LIPK: variants seen among roughly 807,000 people sequenced by gnomAD.
LIPK encodes the protein lipase family member K.
In LIPK, 32 loss-of-function variants were observed where a neutral mutation model predicts 48.6. The observed-to-expected ratio is 0.66, with a 90% CI of 0.50 to 0.88. The LOEUF is 0.88. Ranked by LOEUF, LIPK falls within the 40% of genes least tolerant of loss-of-function variation. LIPK has a pLI of 0.00. For missense variants in LIPK, 507 were observed against 478.5 expected (o/e 1.06, Z -0.56); for synonymous variants, 164 against 157.4 (o/e 1.04, Z -0.32).
chr10:88,726,746 A>C, intron 2 of LIPK, 49 bp from the exon 3 acceptor site: 1 of 908,034 alleles, frequency 1.1e-6, no homozygotes, highest in Non-Finnish European at 1.8e-6. Context: ...CATGTGTAAA[A>C]ATTAAGAGAT....
intron 3 of LIPK, among the ~76,000 whole-genome samples, chr10:88,729,105 A>G (rs1224359058): frequency 6.6e-6 from 1 of 151,658 alleles, no homozygotes; most frequent in Non-Finnish European, 1.5e-5. Flanking sequence ...CAGCTGAAAA[A>G]ACAAGTCTAT....
At chr10:88,751,185 T>C (rs1842857158) in intron 9 of LIPK, among the ~76,000 whole-genome samples, 1 of 152,086 alleles carries the variant, frequency 6.6e-6, no homozygotes, top group South Asian at 2.1e-4. Context: ...ACGAAAACTT[T>C]TAGAGAAAAG....
chr10:88,735,602 G>A (rs1842556237), intron 6 of LIPK, among the ~76,000 whole-genome samples: 1 of 152,266 alleles, frequency 6.6e-6, no homozygotes, highest in African/African-American at 2.4e-5. Context: ...GTTGAGGACT[G>A]AAACCAGCCC....
chr10:88,719,331 A>C lies in LIPK; in HGVS notation c.-11-5202A>C, dbSNP rs552533186. 2.0e-5 allele frequency among the ~76,000 whole-genome samples: 3 copies of C among 152,350 alleles called. No individual in the cohort carries two copies. The South Asian group carries it at 6.2e-4, about 32-fold the overall frequency. ...GCCTAGCAATCACACAACTAATAAT[A>C]AAAACAGTAATAGTCAATAGTTAGG... On this transcript the variant is annotated intron_variant, in intron 1 of 9. Transcript: ENST00000404190.
intron 1 of LIPK, among the ~76,000 whole-genome samples, chr10:88,719,922 TTA>T (rs1230909303): frequency 6.6e-6 from 1 of 152,236 alleles, no homozygotes; most frequent in Non-Finnish European, 1.5e-5. Context: ...AATGCATTAC[TTA>T]TGAGAGCTGC....
chr10:88,744,385 C>A (rs1304113432), intron 9 of LIPK, among the ~76,000 whole-genome samples: 3 of 152,182 alleles, frequency 2.0e-5, no homozygotes, highest in African/African-American at 7.2e-5. Context: ...GTGCTTTTGC[C>A]CCACCTCCCA....
chr10:88,718,113 T>C (rs1194360545), intron 1 of LIPK, among the ~76,000 whole-genome samples: 1 of 151,690 alleles, frequency 6.6e-6, no homozygotes, highest in Non-Finnish European at 1.5e-5. Flanking sequence ...CTTCCTCCCA[T>C]GCATTCTACA....
Position 88,737,712 on chromosome 10 carries a change from G to T in LIPK, c.747G>T (p.Lys249Asn), listed in dbSNP as rs200735762. The change falls in exon 7 of 10, where the codon AAG (lysine) becomes AAT (asparagine). Residue 249 changes from lysine to asparagine, a missense_variant. Transcript: ENST00000404190. Reference protein sequence around the residue: ...QFIATKVCNRKLFRRICSNFL... With the variant: ...QFIATKVCNRNLFRRICSNFL... The stretch of plus-strand genomic sequence containing the variant: ...TTGCCACCAAAGTGTGCAATCGAAA[G>T]CTATTCCGTCGTATTTGCAGCAACT... 62 of 1,613,774 alleles carry T rather than the reference G, an allele frequency of 3.8e-5. No homozygotes were observed. Among genetic ancestry groups the T allele is most frequent in the Non-Finnish European group, 4.5e-5 (53 of 1,179,792 alleles).
intron 1 of LIPK, among the ~76,000 whole-genome samples, chr10:88,722,096 G>A (rs1842235865): frequency 6.6e-6 from 1 of 152,138 alleles, no homozygotes; most frequent in Admixed American, 6.5e-5. Flanking sequence ...TCAGGAGTTC[G>A]AGACCAGCCT....
chr10:88,725,469 T>C (rs1434165432), intron 2 of LIPK, among the ~76,000 whole-genome samples: 2 of 152,232 alleles, frequency 1.3e-5, no homozygotes, highest in African/African-American at 4.8e-5. Flanking sequence ...ACAGTCTGTC[T>C]CCAGAGCCTG....
chr10:88,711,864 C>A (rs1842033847), intron 1 of LIPK, among the ~76,000 whole-genome samples: 1 of 151,964 alleles, frequency 6.6e-6, no homozygotes, highest in Non-Finnish European at 1.5e-5. Flanking sequence ...TTGTCTACCC[C>A]AAACGTGTAA....
At chr10:88,737,904 G>T in intron 7 of LIPK, 123 bp downstream of exon 7, 2 of 978,262 alleles carry the variant, frequency 2.0e-6, no homozygotes, top group Non-Finnish European at 3.1e-6. Flanking sequence ...AATGTAATTA[G>T]TACATTTATG....
chr10:88,713,173 C>T (rs949008812), intron 1 of LIPK, among the ~76,000 whole-genome samples: 8 of 152,176 alleles, frequency 5.3e-5, no homozygotes, highest in African/African-American at 1.9e-4. Context: ...AGCTAACCTA[C>T]TTACCCTCTC....
At chr10:88,718,758 A>T (rs1206321691) in intron 1 of LIPK, among the ~76,000 whole-genome samples, 1 of 152,130 alleles carries the variant, frequency 6.6e-6, no homozygotes, top group Admixed American at 6.5e-5. Context: ...ATGGAAAAAT[A>T]ATGATTATAA....
In LIPK at chr10:88,724,633, A is replaced by G. The variant is rs1842296958; in HGVS notation, c.90A>G (p.Glu30=). Residue 30 remains glutamate, a synonymous_variant, in exon 2 of 10, where the codon GAA becomes GAG. Coordinates refer to ENST00000404190, the MANE Select transcript of LIPK (RefSeq NM_001080518.2). ...YDKKGNNANP[E]ANMNISQIIS... ...AGAAAGGAAACAATGCAAACCCTGA[A>G]GCTAATATGAATATTGTAAGTCATT... 4 of 1,594,558 alleles carry G rather than the reference A, an allele frequency of 2.5e-6. No individual in the cohort carries two copies. The African/African-American group carries it at 4.1e-5, about 16-fold the overall frequency.
Position 88,752,417 on chromosome 10 carries a change from T to C in LIPK, c.961-100T>C. 5.1e-6 allele frequency: 4 copies of C among 791,156 alleles called. No individual in the cohort carries two copies. The South Asian group carries it at 7.0e-5, about 14-fold the overall frequency. 49.0% of individuals were successfully genotyped at this position (791,156 alleles called of 1,614,324 possible). On this transcript the variant is annotated intron_variant, in intron 9 of 9. Coordinates refer to ENST00000404190, the MANE Select transcript of LIPK (RefSeq NM_001080518.2). ...ATTAAGTGTAAACTAATTGTACACT[T>C]GTAGCATTTAAAGAACTTGCTCAAC...
chr10:88,726,827 T>C lies in LIPK; in HGVS notation c.138T>C (p.Tyr46=), dbSNP rs554932742. The part of the protein sequence containing the change: ...SQIISYWGYP[Y]EEYDVTTKDG... ...TTATTTCTTACTGGGGTTATCCTTA[T>C]GAAGAGTATGATGTTACAACAAAAG... Residue 46 remains tyrosine (Y), a synonymous_variant, in exon 3 of 10, where the codon TAT becomes TAC. Transcript: ENST00000404190. 1.9e-6 allele frequency: 3 copies of C among 1,601,978 alleles called. No homozygotes were observed. In the South Asian group the frequency reaches 3.3e-5, roughly 18 times the overall value.
intron 1 of LIPK, among the ~76,000 whole-genome samples, chr10:88,721,462 C>T (rs1467484870): frequency 1.3e-5 from 2 of 152,222 alleles, no homozygotes; most frequent in Non-Finnish European, 2.9e-5. Context: ...CACGTATAGA[C>T]TCCTCTTGCT....
intron 9 of LIPK, among the ~76,000 whole-genome samples, chr10:88,747,807 T>A (rs1220454389): frequency 6.6e-6 from 1 of 152,192 alleles, no homozygotes; most frequent in South Asian, 2.1e-4. Flanking sequence ...ACACTGTTGA[T>A]GGGAATGTGA....
Sources: gnomAD v4.1 joint callset for allele counts (sites outside exome capture counted in the v4.1 genomes callset) on GRCh38, gnomAD v4.1.1 for gene constraint, MANE v1.5 for transcripts, NCBI Gene and HGNC (gene_info 2026-07-23, HGNC 2026-07-21) for gene names.